The following PARD3 variants were observed in gnomAD, a reference collection of about 807,000 sequenced individuals.
PARD3 encodes partitioning defective 3 homolog.
PARD3 carries 75 observed loss-of-function variants against 155.4 expected under a neutral mutation model. That is an observed-to-expected ratio of 0.48 (90% CI 0.40 to 0.58). The LOEUF is 0.58. Ranked by LOEUF, PARD3 falls within the 20% of genes least tolerant of loss-of-function variation. PARD3 has a pLI of 0.00. For missense variants in PARD3, 1,642 were observed against 1,721.7 expected, an observed-to-expected ratio of 0.95 and a Z score of 0.82; for synonymous variants, 576 against 610.5, an observed-to-expected ratio of 0.94 and a Z score of 0.83.
At chr10:34,206,089 T>C (rs527454012) in intron 22 of PARD3, among the ~76,000 whole-genome samples, 1 of 152,100 alleles carries the variant, frequency 6.6e-6, no homozygotes, top group Non-Finnish European at 1.5e-5. Flanking sequence ...CATGTATAAA[T>C]CACAGCAGTC....
chr10:34,255,712 C>CA (rs1954620120), intron 22 of PARD3, among the ~76,000 whole-genome samples: 1 of 152,174 alleles, frequency 6.6e-6, no homozygotes, highest in Non-Finnish European at 1.5e-5. Flanking sequence ...TGGAAGACGA[C>CA]AAACTCTTAT....
At chr10:34,655,995 G>A (rs1287208848) in intron 2 of PARD3, among the ~76,000 whole-genome samples, 3 of 152,048 alleles carry the variant, frequency 2.0e-5, no homozygotes, top group South Asian at 2.1e-4. Flanking sequence ...GTTCTTCAAC[G>A]TGAACTCAAA....
chr10:34,282,449 A>C (rs537241574), intron 21 of PARD3, among the ~76,000 whole-genome samples: 1 of 152,326 alleles, frequency 6.6e-6, no homozygotes, highest in South Asian at 2.1e-4. Flanking sequence ...AATACAAGTG[A>C]AACCATTATG....
At chr10:34,439,689 T>G (rs1670743660) in intron 5 of PARD3, among the ~76,000 whole-genome samples, 2 of 152,044 alleles carry the variant, frequency 1.3e-5, no homozygotes, top group Admixed American at 1.3e-4. Flanking sequence ...ACGCCTGACC[T>G]CAAGTAATCC....
At position 34,616,997 on chromosome 10, in the gene PARD3, T is replaced by C. The variant is rs996500206; in HGVS notation, c.222+79321A>G. Among the ~76,000 whole-genome samples, 45 of 149,472 alleles carry C rather than the reference T, an allele frequency of 3.0e-4. 1 individual carries two copies. Among genetic ancestry groups the C allele is most frequent in the Admixed American group, 1.7e-3 (26 of 15,012 alleles). ...TTGGCCGGGGGCGGTGGCTCACACA[T>C]GTAATCGTAGCACTTTAGGAGGCCA... is the stretch of plus-strand genomic sequence containing the variant. On this transcript the variant is annotated intron_variant, in intron 2 of 24. Coordinates refer to ENST00000374788, the MANE Select transcript of PARD3 (RefSeq NM_001184785.2).
intron 1 of PARD3, among the ~76,000 whole-genome samples, chr10:34,786,795 T>C (rs1188729511): frequency 6.6e-6 from 1 of 152,234 alleles, no homozygotes; most frequent in African/African-American, 2.4e-5. Flanking sequence ...AAATGAGTTT[T>C]AGGATCCTAC....
At chr10:34,111,592 AGG>A in intron 24 of PARD3, 30 bp from the exon 25 acceptor site, 1 of 1,552,306 alleles carries the variant, frequency 6.4e-7, no homozygotes, top group Non-Finnish European at 8.7e-7. Flanking sequence ...GGTTAGTGTG[AGG>A]GTAGGAAGAA....
intron 2 of PARD3, among the ~76,000 whole-genome samples, chr10:34,534,612 C>G (rs997346640): frequency 2.0e-5 from 3 of 152,026 alleles, no homozygotes; most frequent in African/African-American, 7.2e-5. Context: ...CCTGTATATG[C>G]AGACAGTGAA....
chr10:34,397,991 A>G (rs1311474862), intron 7 of PARD3, among the ~76,000 whole-genome samples: 5 of 152,230 alleles, frequency 3.3e-5, no homozygotes, highest in African/African-American at 7.2e-5. Context: ...TTGTTTAACT[A>G]TAAGTTATTT....
At chr10:34,177,426 C>T (rs961239610) in intron 22 of PARD3, among the ~76,000 whole-genome samples, 11 of 151,574 alleles carry the variant, frequency 7.3e-5, no homozygotes, top group African/African-American at 2.7e-4. Context: ...AAAGATTAGA[C>T]AAATACCCCC....
chr10:34,236,199 G>A (rs1177825446), intron 22 of PARD3, among the ~76,000 whole-genome samples: 1 of 151,516 alleles, frequency 6.6e-6, no homozygotes, highest in Non-Finnish European at 1.5e-5. Flanking sequence ...GAGAGATGAT[G>A]ACTAAATTTC....
chr10:34,138,031 C>T (rs1398675143), intron 22 of PARD3, among the ~76,000 whole-genome samples: 1 of 152,116 alleles, frequency 6.6e-6, no homozygotes, highest in Non-Finnish European at 1.5e-5. Context: ...TTAAGGTGGC[C>T]CTAATGTCCT....
chr10:34,741,194 TG>T (rs144743758), intron 1 of PARD3, among the ~76,000 whole-genome samples: 7,065 of 143,786 alleles, frequency 0.049, 299 homozygotes, highest in Non-Finnish European at 0.072. Flanking sequence ...TTTTTTTTTT[TG>T]TTTGAGAGAG....
At chr10:34,376,396 C>T (rs2891452) in intron 10 of PARD3, among the ~76,000 whole-genome samples, 6,185 of 152,072 alleles carry the variant, frequency 0.041, 405 homozygotes, top group African/African-American at 0.14. Flanking sequence ...GAAAGAAAGA[C>T]GGAGAGAGCC....
chr10:34,360,007 T>C, intron 13 of PARD3, 64 bp downstream of exon 13: 2 of 1,261,554 alleles, frequency 1.6e-6, no homozygotes, highest in African/African-American at 1.5e-5. Context: ...GTTTCCAAAA[T>C]AGGAACAGGG....
At chr10:34,418,260 G>A (rs914412599) in intron 5 of PARD3, among the ~76,000 whole-genome samples, 5 of 151,594 alleles carry the variant, frequency 3.3e-5, no homozygotes, top group Non-Finnish European at 5.9e-5. Context: ...ATGCATACTC[G>A]ACCTCCTGGG....
intron 22 of PARD3, among the ~76,000 whole-genome samples, chr10:34,264,650 A>G (rs1229485248): frequency 6.6e-6 from 1 of 152,078 alleles, no homozygotes; most frequent in Non-Finnish European, 1.5e-5. Context: ...TACACTCCTC[A>G]CTTAGGAGTC....
chr10:34,216,657 G>A (rs1033300226), intron 22 of PARD3, among the ~76,000 whole-genome samples: 2 of 152,176 alleles, frequency 1.3e-5, no homozygotes, highest in South Asian at 2.1e-4. Context: ...GGCAGGAAAT[G>A]GTTTGGAAAG....
At chr10:34,177,001 G>A (rs1950060559) in intron 22 of PARD3, among the ~76,000 whole-genome samples, 1 of 151,534 alleles carries the variant, frequency 6.6e-6, no homozygotes, top group Non-Finnish European at 1.5e-5. Context: ...GGGTGTGTGT[G>A]GTGTGGTGTA....
Sources: gnomAD v4.1 joint callset for allele counts (sites outside exome capture counted in the v4.1 genomes callset) on GRCh38, gnomAD v4.1.1 for gene constraint, MANE v1.5 for transcripts, NCBI Gene and HGNC (gene_info 2026-07-23, HGNC 2026-07-21) for gene names.